The following FAM98B variants were observed in gnomAD, a reference collection of about 807,000 sequenced individuals.
FAM98B encodes the protein tRNA-splicing ligase complex subunit FAM98B.
In FAM98B, 32 loss-of-function variants were observed where a neutral mutation model predicts 43.9. The ratio of observed to expected loss-of-function variants is 0.73; its 90% confidence interval spans 0.55 to 0.98. The LOEUF is 0.98. FAM98B is among the 50% of genes least tolerant of loss of function. FAM98B has a pLI of 0.00. For missense variants in FAM98B, 514 were observed against 522.9 expected, an observed-to-expected ratio of 0.98 and a Z score of 0.17; for synonymous variants, 190 against 174.0, an observed-to-expected ratio of 1.09 and a Z score of -0.72.
chr15:38,482,333 T>C (rs539145812), intron 7 of FAM98B: 2 of 152,338 alleles, frequency 1.3e-5, no homozygotes, highest in African/African-American at 4.8e-5. Flanking sequence ...ACATCTTGCA[T>C]TGGGTGATAA....
In FAM98B at chr15:38,465,346, A is replaced by C; in HGVS notation, c.295A>C (p.Ile99Leu). 6.2e-7 allele frequency: 1 copy of C among 1,609,426 alleles called. No individual in the cohort carries two copies. Among genetic ancestry groups the C allele is most frequent in the Non-Finnish European group, 8.5e-7 (1 of 1,178,382 alleles). The part of the protein sequence containing the change: ...KEMACPYSVL[I>L]SGDIKDRLKK... The stretch of plus-strand genomic sequence containing the variant: ...AATGGCATGTCCATATTCTGTACTC[A>C]TATCAGGAGATATTAAAGATCGTTT... Residue 99 changes from isoleucine to leucine, a missense_variant, in exon 3 of 8, where the codon ATA (isoleucine) becomes CTA (leucine). Transcript: ENST00000397609.
chr15:38,454,187 A>G lies in FAM98B; in HGVS notation c.26A>G (p.Gln9Arg). 1 of 1,603,346 alleles carries G rather than the reference A, an allele frequency of 6.2e-7. No individual in the cohort carries two copies. The highest frequency in any genetic ancestry group is 1.1e-5 in the South Asian group (1 of 88,114). MRGPEPGP[Q>R]PTMEGDVLDT... ...ATGAGAGGGCCGGAGCCGGGTCCCC[A>G]ACCGACGATGGAGGGAGACGTGCTG... Residue 9 changes from glutamine (Q) to arginine (R), a missense_variant, in exon 1 of 8, where the codon CAA becomes CGA. Gln to Arg is a conservative substitution (Grantham distance 43, BLOSUM62 1). Around this residue, in one of 2 missense-constraint regions of FAM98B, gnomAD observed 469 missense variants for 451.8 expected, o/e 1.04. Transcript: ENST00000397609.
intron 3 of FAM98B, 36 bp from the exon 4 acceptor site, chr15:38,470,191 C>A: frequency 7.7e-7 from 1 of 1,297,372 alleles, no homozygotes; most frequent in South Asian, 1.7e-5. Context: ...GATTCTTATA[C>A]ATGTATTAAC....
At chr15:38,483,614 T>G (rs1391213976) in intron 7 of FAM98B, 1 of 131,690 alleles carries the variant, frequency 7.6e-6, no homozygotes, top group African/African-American at 3.0e-5. Flanking sequence ...TGCAGTGAGC[T>G]GAGATCATGC....
rs1249203830 is a variant in FAM98B at position 38,476,585 on chromosome 15, G to A, written c.729+2287G>A. 3.3e-5 allele frequency among the ~76,000 whole-genome samples: 5 copies of A among 149,588 alleles called. No individual in the cohort carries two copies. The East Asian group carries it at 9.8e-4, about 29-fold the overall frequency. ...AAATGTTTTTAACTATTTTATACTTGGTGTTGAATTTTTGTTTCTGCAATT... is the reference window on the plus strand; with the variant it reads ...AAATGTTTTTAACTATTTTATACTTAGTGTTGAATTTTTGTTTCTGCAATT... On this transcript the variant is annotated intron_variant, in intron 6 of 7. Coordinates refer to ENST00000397609, the MANE Select transcript of FAM98B (RefSeq NM_173611.4).
In FAM98B at chr15:38,487,066, T is replaced by C. The variant is rs1228264611; in HGVS notation, c.*2407T>C. On this transcript the variant is annotated 3_prime_UTR_variant, in exon 8 of 8. Transcript: ENST00000397609. ...CCAGCCTGGTACCTAATAGCAAATA[T>C]AGACATGATCTTACTGGGAGTTTCT... 1 of 152,048 alleles carries C rather than the reference T, an allele frequency of 6.6e-6. No individual in the cohort carries two copies. The highest frequency in any genetic ancestry group is 1.5e-5 in the Non-Finnish European group (1 of 67,928). The allele number at this position is 152,048 out of a possible 1,614,324, so 9.4% of individuals were successfully genotyped here.
intron 2 of FAM98B, among the ~76,000 whole-genome samples, chr15:38,464,473 A>C (rs1889997798): frequency 6.6e-6 from 1 of 151,952 alleles, no homozygotes; most frequent in Admixed American, 6.6e-5. Context: ...GTAGGGTCTG[A>C]ATTTGATTAT....
At chr15:38,481,990 G>C (rs1890293294) in intron 7 of FAM98B, 1 of 170,586 alleles carries the variant, frequency 5.9e-6, no homozygotes, top group Non-Finnish European at 1.3e-5. Context: ...CAAGGAGTCT[G>C]AATTTTTCAC....
chr15:38,470,266 A>G lies in FAM98B; in HGVS notation c.392A>G (p.Gln131Arg). The G allele has an allele frequency of 1.3e-6, 2 of 1,563,206 alleles. No individual in the cohort carries two copies. Among genetic ancestry groups the G allele is most frequent in the Non-Finnish European group, 1.7e-6 (2 of 1,150,872 alleles). Reference protein sequence around the residue: ...STELQASQILQNKKHKNSQLD... With the variant: ...STELQASQILRNKKHKNSQLD... ...GAACTTCAAGCTTCACAGATATTAC[A>G]GAACAAGAAACATAAAAATTCTCAA... is the stretch of plus-strand genomic sequence containing the variant. The change falls in exon 4 of 8, where the codon CAG becomes CGG. Residue 131 changes from glutamine to arginine, a missense_variant. By Grantham distance (43) the Gln-to-Arg change is conservative. This residue lies in a region of FAM98B where 469 missense variants were observed against 451.8 expected (regional missense o/e 1.04). Transcript: ENST00000397609.
intron 3 of FAM98B, among the ~76,000 whole-genome samples, chr15:38,466,061 T>C (rs1890026373): frequency 6.6e-6 from 1 of 152,200 alleles, no homozygotes; most frequent in Non-Finnish European, 1.5e-5. Flanking sequence ...AGAATTTTTC[T>C]AATACCTTCT....
chr15:38,465,118 G>A (rs1890008537), intron 2 of FAM98B, 151 bp from the exon 3 acceptor site: 1 of 630,104 alleles, frequency 1.6e-6, no homozygotes, highest in Admixed American at 3.7e-5. Context: ...TACTATTTCA[G>A]TTGTTAACGT....
At chr15:38,484,211 T>C (rs1396650295) in intron 7 of FAM98B, 44 bp from the exon 8 acceptor site, 1 of 1,528,016 alleles carries the variant, frequency 6.5e-7, no homozygotes, top group African/African-American at 1.4e-5. Flanking sequence ...TATGTAAACT[T>C]TTTTGAAATA....
intron 3 of FAM98B, among the ~76,000 whole-genome samples, chr15:38,466,777 C>T (rs1017645488): frequency 3.3e-5 from 5 of 151,998 alleles, no homozygotes; most frequent in Non-Finnish European, 7.4e-5. Flanking sequence ...TCATAGAAAT[C>T]TTAGAAAATA....
chr15:38,484,755 C>G lies in FAM98B; in HGVS notation c.*96C>G, dbSNP rs985686717. On this transcript the variant is annotated 3_prime_UTR_variant, in exon 8 of 8. Transcript: ENST00000397609. ...ACTTGAATATCATCTTTGAAGTAAA[C>G]ACCATGTTAGACTCCCTGGTGATAC... is the stretch of plus-strand genomic sequence containing the variant. 153 of 1,459,782 alleles carry G rather than the reference C, an allele frequency of 1.0e-4. No individual in the cohort carries two copies. The African/African-American group carries it at 2.0e-3, about 19-fold the overall frequency. 90.4% of individuals were successfully genotyped at this position (1,459,782 alleles called of 1,614,324 possible).
Position 38,470,214 on chromosome 15 carries a change from C to T in FAM98B, c.353-13C>T. The T allele has an allele frequency of 4.4e-6, 6 of 1,375,394 alleles. No homozygotes were observed. Among genetic ancestry groups the T allele is most frequent in the South Asian group, 1.5e-5 (1 of 67,618 alleles). The allele number at this position is 1,375,394 out of a possible 1,614,324, so 85.2% of individuals were successfully genotyped here. A position where few individuals can be genotyped will look rare whatever the true frequency, so the allele number is the denominator to read the frequency against. On this transcript the variant is annotated splice_polypyrimidine_tract_variant and intron_variant, in intron 3 of 7. Transcript: ENST00000397609. ...TACATGTATTAACATTATTTATTTT[C>T]TCTTTATTGTAGTATTTTTAAGTAC...
In FAM98B at chr15:38,464,273, A is replaced by C. The variant is rs374428219; in HGVS notation, c.217+96A>C. The C allele has an allele frequency of 3.1e-5, 36 of 1,173,028 alleles. 1 individual carries two copies. The African/African-American group carries it at 4.7e-4, about 15-fold the overall frequency. 72.7% of individuals were successfully genotyped at this position (1,173,028 alleles called of 1,614,324 possible). ...CAATAATGTGCCCACTGTACAAAGA[A>C]AAATCACATATTCCAAAGAATTTCA... On this transcript the variant is annotated intron_variant, in intron 2 of 7. Coordinates refer to ENST00000397609, the MANE Select transcript of FAM98B (RefSeq NM_173611.4).
chr15:38,480,618 A>C (rs902279210), intron 6 of FAM98B, among the ~76,000 whole-genome samples: 2 of 152,092 alleles, frequency 1.3e-5, no homozygotes, highest in African/African-American at 4.8e-5. Context: ...AATAAAAACC[A>C]ACCACTCTAA....
At chr15:38,471,026 G>C (rs975251523) in intron 4 of FAM98B, among the ~76,000 whole-genome samples, 1 of 151,442 alleles carries the variant, frequency 6.6e-6, no homozygotes, top group Non-Finnish European at 1.5e-5. Flanking sequence ...TACTCTCACA[G>C]ACCAAATTCT....
intron 1 of FAM98B, among the ~76,000 whole-genome samples, chr15:38,461,576 CCTG>C (rs1284498081): frequency 6.6e-6 from 1 of 151,834 alleles, no homozygotes; most frequent in African/African-American, 2.4e-5. Flanking sequence ...CTGTGCCTGG[CCTG>C]CTACATAAAG....
Sources: gnomAD v4.1 joint callset for allele counts (sites outside exome capture counted in the v4.1 genomes callset) on GRCh38, gnomAD v4.1.1 for gene constraint, gnomAD v4.1.1 regional missense constraint, MANE v1.5 for transcripts, NCBI Gene and HGNC (gene_info 2026-07-23, HGNC 2026-07-21) for gene names.